The following SLC24A4 variants were observed in gnomAD, a reference collection of about 807,000 sequenced individuals.
The protein encoded by SLC24A4 is sodium/potassium/calcium exchanger 4.
In SLC24A4, 53 loss-of-function variants were observed where a neutral mutation model predicts 79.0. The ratio of observed to expected loss-of-function variants is 0.67; its 90% CI spans 0.54 to 0.84. The LOEUF (loss-of-function observed/expected upper bound fraction) is 0.84, where lower values mean the gene tolerates loss of function less well. Among genes scored for constraint, SLC24A4 ranks in the 40% least tolerant of loss-of-function variants. The pLI, the probability that SLC24A4 is intolerant of heterozygous loss-of-function variation, is 0.00. For synonymous variants in SLC24A4, 323 were observed against 323.8 expected (o/e 1.00, Z 0.03); for missense variants, 731 against 822.0 (o/e 0.89, Z 1.35).
At chr14:92,375,126 C>G (rs1459544798) in intron 2 of SLC24A4, among the ~76,000 whole-genome samples, 4 of 152,242 alleles carry the variant, frequency 2.6e-5, no homozygotes. Flanking sequence ...ACCCAGTTCT[C>G]TGGGGATTGA....
At chr14:92,333,949 C>T (rs1885630009) in intron 2 of SLC24A4, among the ~76,000 whole-genome samples, 2 of 151,446 alleles carry the variant, frequency 1.3e-5, no homozygotes, top group African/African-American at 4.9e-5. Context: ...CTCCCCTGTG[C>T]GGGGAGCAGA....
At chr14:92,331,550 T>C (rs1228092432) in intron 2 of SLC24A4, among the ~76,000 whole-genome samples, 1 of 152,256 alleles carries the variant, frequency 6.6e-6, no homozygotes, top group Non-Finnish European at 1.5e-5. Flanking sequence ...CCCAAAGTGC[T>C]GGGATTACAG....
chr14:92,480,286 CTTTTTTT>C (rs66533065), intron 12 of SLC24A4, among the ~76,000 whole-genome samples: 4 of 63,090 alleles, frequency 6.3e-5, no homozygotes, highest in Non-Finnish European at 1.2e-4. Flanking sequence ...AGATCTTTCC[CTTTTTTT>C]TTTTTTTTTT....
intron 12 of SLC24A4, among the ~76,000 whole-genome samples, chr14:92,463,600 G>A (rs1206817927): frequency 2.0e-5 from 3 of 152,202 alleles, no homozygotes; most frequent in Non-Finnish European, 2.9e-5. Context: ...AGAGGTATCA[G>A]TTCTCAGACA....
chr14:92,447,554 A>T, intron 9 of SLC24A4, 130 bp downstream of exon 9: 1 of 861,078 alleles, frequency 1.2e-6, no homozygotes, highest in Non-Finnish European at 1.9e-6. Flanking sequence ...GCTCTCTGGT[A>T]GACACCCTGC....
At chr14:92,375,735 A>G (rs1263619428) in intron 2 of SLC24A4, among the ~76,000 whole-genome samples, 1 of 152,262 alleles carries the variant, frequency 6.6e-6, no homozygotes, top group African/African-American at 2.4e-5. Flanking sequence ...TTTAATTTCT[A>G]TGAAATGCCC....
At chr14:92,363,439 A>C (rs931521349) in intron 2 of SLC24A4, among the ~76,000 whole-genome samples, 1 of 152,234 alleles carries the variant, frequency 6.6e-6, no homozygotes. Context: ...CCTTTAAGGC[A>C]CTTGACGATT....
At chr14:92,351,112 C>T (rs528804235) in intron 2 of SLC24A4, among the ~76,000 whole-genome samples, 12 of 152,126 alleles carry the variant, frequency 7.9e-5, no homozygotes, top group Non-Finnish European at 1.8e-4. Context: ...ATCTATGGTA[C>T]TTTGTTACAG....
intron 4 of SLC24A4, among the ~76,000 whole-genome samples, chr14:92,440,538 G>A (rs1009697481): frequency 2.0e-5 from 3 of 152,114 alleles, no homozygotes; most frequent in Non-Finnish European, 4.4e-5. Context: ...GAGAGCTTGG[G>A]GAGGCCATAG....
chr14:92,496,582 G>A lies in SLC24A4; in HGVS notation c.*2954G>A, dbSNP rs139125288. On this transcript the variant is annotated 3_prime_UTR_variant, in exon 17 of 17. Transcript: ENST00000532405. The stretch of plus-strand genomic sequence containing the variant: ...GGAATTTTGCCTCACCAGGTCAAGC[G>A]TGGTTAGGGTGGAAGGTGTCCAGTA... 1.3e-5 allele frequency: 2 copies of A among 152,258 alleles called. No homozygotes were observed. The highest frequency in any genetic ancestry group is 1.9e-4 in the East Asian group (1 of 5,182). 9.4% of individuals were successfully genotyped at this position (152,258 alleles called of 1,614,324 possible).
At chr14:92,465,532 C>T (rs970868192) in intron 12 of SLC24A4, among the ~76,000 whole-genome samples, 3 of 152,274 alleles carry the variant, frequency 2.0e-5, no homozygotes, top group East Asian at 3.9e-4. Flanking sequence ...GGCCAGTGGT[C>T]CCTGGAATGG....
intron 2 of SLC24A4, among the ~76,000 whole-genome samples, chr14:92,330,289 T>C (rs1885395279): frequency 6.6e-6 from 1 of 152,216 alleles, no homozygotes; most frequent in Non-Finnish European, 1.5e-5. Flanking sequence ...AATTTGAATG[T>C]TAACACTTAT....
chr14:92,386,735 G>C (rs761688548), intron 2 of SLC24A4, among the ~76,000 whole-genome samples: 6 of 152,156 alleles, frequency 3.9e-5, no homozygotes, highest in Non-Finnish European at 7.3e-5. Flanking sequence ...CTGCTAATCC[G>C]TGTTTAATGT....
At chr14:92,359,007 C>T (rs1246392021) in intron 2 of SLC24A4, among the ~76,000 whole-genome samples, 1 of 152,026 alleles carries the variant, frequency 6.6e-6, no homozygotes, top group Non-Finnish European at 1.5e-5. Flanking sequence ...TTTCTATCTC[C>T]ATTATCAGGT....
chr14:92,444,732 G>A (rs1350281910), intron 7 of SLC24A4, among the ~76,000 whole-genome samples: 1 of 152,084 alleles, frequency 6.6e-6, no homozygotes, highest in African/African-American at 2.4e-5. Flanking sequence ...GTGCATGCCT[G>A]TAATTCCAAC....
At position 92,433,944 on chromosome 14, in the gene SLC24A4, A is replaced by G. The variant is rs1272950968; in HGVS notation, c.274A>G (p.Asn92Asp). 4 of 1,614,196 alleles carry G rather than the reference A, an allele frequency of 2.5e-6. No homozygotes were observed. Among genetic ancestry groups the G allele is most frequent in the Non-Finnish European group, 3.4e-6 (4 of 1,180,042 alleles). The change falls in exon 3 of 17, where the codon AAT becomes GAT. Residue 92 changes from asparagine (N) to aspartate (D), a missense_variant. By Grantham distance (23) the Asn-to-Asp change is conservative (BLOSUM62 1). Transcript: ENST00000532405. ...IHEFPTDLFS[N>D]KERQHGAVLL... ...CGAGTTCCCCACAGATCTGTTCTCC[A>G]ATAAGGAGCGACAGCACGGAGCCGT...
chr14:92,359,717 G>A (rs1482955570), intron 2 of SLC24A4, among the ~76,000 whole-genome samples: 1 of 152,192 alleles, frequency 6.6e-6, no homozygotes, highest in African/African-American at 2.4e-5. Flanking sequence ...AAGTCAAGAA[G>A]CAGAGCATTG....
intron 2 of SLC24A4, among the ~76,000 whole-genome samples, chr14:92,381,464 A>T (rs542723703): frequency 6.6e-6 from 1 of 152,302 alleles, no homozygotes; most frequent in East Asian, 1.9e-4. Context: ...GAGCATTAGG[A>T]CAAATACCTA....
intron 2 of SLC24A4, among the ~76,000 whole-genome samples, chr14:92,334,962 G>A (rs1262084023): frequency 2.6e-5 from 4 of 152,002 alleles, no homozygotes; most frequent in Non-Finnish European, 5.9e-5. Context: ...TATGTTGGGC[G>A]CTATTCTAAG....
Sources: allele counts gnomAD v4.1 joint callset (sites outside exome capture counted in the v4.1 genomes callset), GRCh38; gene constraint gnomAD v4.1.1; transcripts MANE v1.5; gene names NCBI Gene and HGNC (gene_info 2026-07-23, HGNC 2026-07-21).